Variants in ASIC5 observed in about 807,000 individuals in gnomAD.
ASIC5 encodes the protein bile acid-sensitive ion channel.
Under a neutral mutation model 51.2 loss-of-function variants are expected in ASIC5, and 52 were observed. The ratio of observed to expected loss-of-function variants is 1.02; its 90% CI spans 0.81 to 1.28. The LOEUF (loss-of-function observed/expected upper bound fraction) is 1.28, where lower values mean the gene tolerates loss of function less well. ASIC5 is among the 50% of genes most tolerant of loss of function. The probability of loss-of-function intolerance (pLI) is 0.00; values close to 1 mark genes in which losing one functional copy is unlikely to be tolerated. For missense variants in ASIC5, 635 were observed against 595.0 expected (o/e 1.07, Z -0.70); for synonymous variants, 231 against 200.7 (o/e 1.15, Z -1.28).
At chr4:155,842,592 G>A (rs958822557) in intron 5 of ASIC5, among the ~76,000 whole-genome samples, 2 of 152,002 alleles carry the variant, frequency 1.3e-5, no homozygotes, top group Non-Finnish European at 2.9e-5. Flanking sequence ...CAGACACATT[G>A]AGTATTCTAA....
Position 155,852,290 on chromosome 4 carries a change from A to G in ASIC5, c.612T>C (p.Tyr204=). The change falls in exon 4 of 10, where the codon TAT becomes TAC. Residue 204 remains tyrosine (Y), a synonymous_variant. Transcript: ENST00000537611. Reference sequence around the variant, plus strand: ...CATGATTAAAAGTAAAACAATTTCCATATTCAGTGAAGACATGTGCAAAAT... The same window carrying G: ...CATGATTAAAAGTAAAACAATTTCCGTATTCAGTGAAGACATGTGCAAAAT... ...PKDFAHVFTE[Y]GNCFTFNHGE... The G allele has an allele frequency of 6.3e-7, 1 of 1,594,282 alleles. No individual in the cohort carries two copies. The highest frequency in any genetic ancestry group is 8.5e-7 in the Non-Finnish European group (1 of 1,173,524).
At chr4:155,849,595 A>G (rs1741332268) in intron 4 of ASIC5, among the ~76,000 whole-genome samples, 2 of 152,172 alleles carry the variant, frequency 1.3e-5, no homozygotes, top group East Asian at 1.9e-4. Context: ...ACTAGGGTAC[A>G]CCTGTTGTTA....
chr4:155,863,351 A>G lies in ASIC5; in HGVS notation c.347+97T>C, dbSNP rs181395473. 1.8e-5 allele frequency: 18 copies of G among 983,246 alleles called. No individual in the cohort carries two copies. In the East Asian group the frequency reaches 3.9e-4, roughly 22 times the overall value. The allele number at this position is 983,246 out of a possible 1,614,324, so 60.9% of individuals were successfully genotyped here. A position where few individuals can be genotyped will look rare whatever the true frequency, so the allele number is the denominator to read the frequency against. On this transcript the variant is annotated intron_variant, in intron 2 of 9. Transcript: ENST00000537611. ...ATTTAATTCAGTGGTTTTACATATG[A>G]TAAGTTCCACATGAGAAAACTCTTT...
chr4:155,836,047 G>A (rs986537056), intron 8 of ASIC5, among the ~76,000 whole-genome samples: 7 of 152,232 alleles, frequency 4.6e-5, no homozygotes, highest in Admixed American at 2.0e-4. Flanking sequence ...AAATGCTAAT[G>A]TTGCTTCCCT....
intron 2 of ASIC5, among the ~76,000 whole-genome samples, chr4:155,862,821 A>C (rs1359772800): frequency 2.0e-5 from 3 of 152,144 alleles, no homozygotes; most frequent in East Asian, 3.9e-4. Context: ...ATGTGTTTGC[A>C]AAGTAGTTCC....
chr4:155,863,533 A>G lies in ASIC5; in HGVS notation c.262T>C (p.Phe88Leu). 6.2e-7 allele frequency: 1 copy of G among 1,613,786 alleles called. No homozygotes were observed. Among genetic ancestry groups the G allele is most frequent in the Non-Finnish European group, 8.5e-7 (1 of 1,179,870 alleles). The change falls in exon 2 of 10, where the codon TTC becomes CTC. Residue 88 changes from phenylalanine (F) to leucine (L), a missense_variant. Coordinates refer to ENST00000537611, the MANE Select transcript of ASIC5 (RefSeq NM_017419.3). ...ATGGACGTTGTGGTTGGCCATGTGA[A>G]GTAGTTGAGCAAGCGAATGTAGATC... ...WQIYIRLLNY[F>L]TWPTTTSIEV...
At chr4:155,860,233 T>C (rs1457611342) in intron 2 of ASIC5, among the ~76,000 whole-genome samples, 1 of 151,878 alleles carries the variant, frequency 6.6e-6, no homozygotes, top group African/African-American at 2.4e-5. Context: ...TCCTATTTTA[T>C]CTCATAAATA....
intron 9 of ASIC5, among the ~76,000 whole-genome samples, chr4:155,830,798 G>A (rs1740855263): frequency 6.6e-6 from 1 of 152,030 alleles, no homozygotes; most frequent in Non-Finnish European, 1.5e-5. Flanking sequence ...TTTACTTTCT[G>A]TCTCTGAATC....
chr4:155,865,746 A>G (rs1741846451), intron 1 of ASIC5, among the ~76,000 whole-genome samples: 1 of 152,132 alleles, frequency 6.6e-6, no homozygotes, highest in South Asian at 2.1e-4. Flanking sequence ...GGTTGAATAA[A>G]TGGCCCACTA....
chr4:155,847,791 C>T (rs966520302), intron 4 of ASIC5, among the ~76,000 whole-genome samples: 2 of 151,896 alleles, frequency 1.3e-5, no homozygotes, highest in Non-Finnish European at 2.9e-5. Flanking sequence ...AGCCATTCAA[C>T]TCCTCGAGGC....
intron 8 of ASIC5, 70 bp from the exon 9 acceptor site, chr4:155,831,985 G>T: frequency 2.5e-6 from 2 of 786,098 alleles, no homozygotes; most frequent in Non-Finnish European, 2.1e-6. Flanking sequence ...GTCGAATAAA[G>T]GTAATATTCA....
At chr4:155,847,427 A>G (rs534738359) in intron 4 of ASIC5, among the ~76,000 whole-genome samples, 1 of 152,206 alleles carries the variant, frequency 6.6e-6, no homozygotes, top group Non-Finnish European at 1.5e-5. Flanking sequence ...CAATAAAAAT[A>G]AAATGCATTC....
At chr4:155,864,679 T>C (rs1228062719) in intron 1 of ASIC5, 1 of 152,148 alleles carries the variant, frequency 6.6e-6, no homozygotes, top group Non-Finnish European at 1.5e-5. Context: ...ATGGCAGCAA[T>C]GGTATCTGCC....
chr4:155,846,902 T>G (rs1009345850), intron 4 of ASIC5, among the ~76,000 whole-genome samples: 8 of 152,024 alleles, frequency 5.3e-5, no homozygotes, highest in Non-Finnish European at 1.2e-4. Flanking sequence ...AAATTTTGTC[T>G]AATTCAAAGC....
At chr4:155,856,541 G>A (rs956422602) in intron 2 of ASIC5, among the ~76,000 whole-genome samples, 57 of 152,116 alleles carry the variant, frequency 3.7e-4, no homozygotes, top group African/African-American at 1.1e-3. Context: ...TATCCTCCTC[G>A]GACTTCCTGA....
At position 155,829,932 on chromosome 4, in the gene ASIC5, T is replaced by G. The variant is rs2111219121; in HGVS notation, c.1442A>C (p.Lys481Thr). The stretch of plus-strand genomic sequence containing the variant: ...AGTCCACTGGGTCATTTCAGATATC[T>G]TCAGCAAAAAGAAAATGCATATCCA... ...FYWICIFFLL[K>T]ISEMTQWTPP... The change falls in exon 10 of 10, where the codon AAG becomes ACG. Residue 481 changes from lysine to threonine, a missense_variant. Transcript: ENST00000537611. 6.2e-7 allele frequency: 1 copy of G among 1,608,592 alleles called. No homozygotes were observed. The highest frequency in any genetic ancestry group is 1.9e-4 in the Middle Eastern group (1 of 5,378).
At chr4:155,830,078 T>C (rs778746821) in intron 9 of ASIC5, 32 bp from the exon 10 acceptor site, 41 of 1,403,856 alleles carry the variant, frequency 2.9e-5, no homozygotes, top group Non-Finnish European at 3.7e-5. Flanking sequence ...TTGAATGTCA[T>C]TATTTTTCAT....
chr4:155,852,281 A>G lies in ASIC5; in HGVS notation c.621T>C (p.Cys207=). 6.3e-7 allele frequency: 1 copy of G among 1,596,724 alleles called. No individual in the cohort carries two copies. The highest frequency in any genetic ancestry group is 1.8e-5 in the Admixed American group (1 of 55,392). The change falls in exon 4 of 10, where the codon TGT becomes TGC. Residue 207 remains cysteine (C), a synonymous_variant. Coordinates refer to ENST00000537611, the MANE Select transcript of ASIC5 (RefSeq NM_017419.3). The part of the protein sequence containing the change: ...FAHVFTEYGN[C]FTFNHGETLQ... Reference sequence around the variant, plus strand: ...GAGTTTCACCATGATTAAAAGTAAAACAATTTCCATATTCAGTGAAGACAT... The same window carrying G: ...GAGTTTCACCATGATTAAAAGTAAAGCAATTTCCATATTCAGTGAAGACAT...
chr4:155,840,814 A>G (rs1429304750), intron 6 of ASIC5, among the ~76,000 whole-genome samples: 2 of 152,066 alleles, frequency 1.3e-5, no homozygotes, highest in African/African-American at 2.4e-5. Context: ...GCTTATAGTG[A>G]TAACATTACT....
Sources: allele counts gnomAD v4.1 joint callset (sites outside exome capture counted in the v4.1 genomes callset), GRCh38; gene constraint gnomAD v4.1.1; transcripts MANE v1.5; gene names NCBI Gene and HGNC (gene_info 2026-07-23, HGNC 2026-07-21).